Variants in DGKI observed in about 807,000 individuals in gnomAD.
DGKI encodes diacylglycerol kinase iota, also known as DAG kinase iota.
DGKI carries 55 observed loss-of-function variants against 147.5 expected under a neutral mutation model. The observed-to-expected ratio is 0.37, with a 90% CI of 0.30 to 0.47. DGKI has a LOEUF of 0.47. DGKI is among the 20% of genes least tolerant of loss of function. DGKI has a pLI of 1.00. For missense variants in DGKI, 1,007 were observed against 1,323.8 expected, an observed-to-expected ratio of 0.76 and a Z score of 3.71; for synonymous variants, 469 against 477.1, an observed-to-expected ratio of 0.98 and a Z score of 0.22.
At chr7:137,527,914 T>C (rs1400947855) in intron 20 of DGKI, among the ~76,000 whole-genome samples, 1 of 152,224 alleles carries the variant, frequency 6.6e-6, no homozygotes, top group East Asian at 1.9e-4. Context: ...AATAGAGTTT[T>C]ATTAAAATAT....
At chr7:137,608,427 G>A (rs1585281008) in intron 10 of DGKI, among the ~76,000 whole-genome samples, 1 of 152,156 alleles carries the variant, frequency 6.6e-6, no homozygotes, top group East Asian at 1.9e-4. Context: ...ATTCTCAAAT[G>A]AGATAAGTAT....
At chr7:137,811,624 T>C (rs1052773262) in intron 1 of DGKI, among the ~76,000 whole-genome samples, 6 of 152,206 alleles carry the variant, frequency 3.9e-5, no homozygotes, top group African/African-American at 1.2e-4. Context: ...CAGCATCCCC[T>C]GATTGATCAG....
chr7:137,434,915 C>T (rs1813224906), intron 28 of DGKI, among the ~76,000 whole-genome samples: 1 of 152,056 alleles, frequency 6.6e-6, no homozygotes, highest in Non-Finnish European at 1.5e-5. Context: ...AAAAAATATG[C>T]TATCATTTTT....
Position 137,524,025 on chromosome 7 carries a change from G to A in DGKI, c.2148-2059C>T, listed in dbSNP as rs1041731926. Reference sequence around the variant, plus strand: ...ATACCAAGAATCCCATGGATTTGACGGCAAAACTATAAAGTCTGGATTGGC... The same window carrying A: ...ATACCAAGAATCCCATGGATTTGACAGCAAAACTATAAAGTCTGGATTGGC... On this transcript the variant is annotated intron_variant, in intron 20 of 32. Transcript: ENST00000614521. Among the ~76,000 whole-genome samples, 62 of 151,326 alleles carry A rather than the reference G, an allele frequency of 4.1e-4. 3 individuals carry two copies. Among genetic ancestry groups the A allele is most frequent in the African/African-American group, 1.4e-3 (57 of 40,692 alleles).
At chr7:137,594,049 T>C (rs760547341) in intron 12 of DGKI, among the ~76,000 whole-genome samples, 2 of 152,186 alleles carry the variant, frequency 1.3e-5, no homozygotes, top group Non-Finnish European at 2.9e-5. Context: ...TGCTTTCTCA[T>C]ATTTTTTTCT....
At chr7:137,538,645 T>C (rs1023369280) in intron 20 of DGKI, among the ~76,000 whole-genome samples, 12 of 152,188 alleles carry the variant, frequency 7.9e-5, no homozygotes, top group African/African-American at 2.7e-4. Context: ...GCTGAGTCAC[T>C]GCAGTGGGCA....
chr7:137,536,592 A>G (rs1409769651), intron 20 of DGKI, among the ~76,000 whole-genome samples: 1 of 152,212 alleles, frequency 6.6e-6, no homozygotes, highest in Non-Finnish European at 1.5e-5. Context: ...GAATTCTACC[A>G]TAACAGAACT....
chr7:137,532,857 C>T (rs567610163), intron 20 of DGKI, among the ~76,000 whole-genome samples: 1 of 152,186 alleles, frequency 6.6e-6, no homozygotes, highest in African/African-American at 2.4e-5. Flanking sequence ...GTAAAAATGA[C>T]AGAATAAAGA....
intron 5 of DGKI, among the ~76,000 whole-genome samples, chr7:137,653,593 C>T (rs1822113958): frequency 6.6e-6 from 1 of 152,192 alleles, no homozygotes; most frequent in Non-Finnish European, 1.5e-5. Flanking sequence ...AACCACCCTC[C>T]TCTCACTTAA....
At chr7:137,581,762 CGTAA>C (rs1819202737) in intron 15 of DGKI, 84 bp downstream of exon 15, 1 of 1,120,896 alleles carries the variant, frequency 8.9e-7, no homozygotes, top group African/African-American at 1.5e-5. Context: ...ACTGTAAACG[CGTAA>C]GTGATATACA....
rs190218591 is a variant in DGKI, at chr7:137,609,346, C to T, written c.1068+189G>A. Among the ~76,000 whole-genome samples the T allele has an allele frequency of 1.6e-3, 250 of 152,140 alleles. 1 individual carries two copies. Among genetic ancestry groups the T allele is most frequent in the African/African-American group, 5.6e-3 (234 of 41,504 alleles). On this transcript the variant is annotated intron_variant, in intron 9 of 32. Transcript: ENST00000614521. ...TGGGGATAACATTTCCAGGCAAGCG[C>T]AGAGGTTAGTTTTGAGTGTTTGTTT...
chr7:137,398,513 C>A (rs1360782052), intron 30 of DGKI, among the ~76,000 whole-genome samples: 1 of 152,072 alleles, frequency 6.6e-6, no homozygotes, highest in Non-Finnish European at 1.5e-5. Flanking sequence ...GTATTTTTGT[C>A]TTTAGAAAGA....
intron 14 of DGKI, among the ~76,000 whole-genome samples, chr7:137,583,896 A>G (rs776058121): frequency 6.6e-6 from 1 of 152,178 alleles, no homozygotes; most frequent in Non-Finnish European, 1.5e-5. Flanking sequence ...AGCAATCATG[A>G]TATCTACTAG....
chr7:137,463,709 A>G (rs1814542751), intron 26 of DGKI, 98 bp from the exon 27 acceptor site: 2 of 1,418,032 alleles, frequency 1.4e-6, no homozygotes, highest in Admixed American at 2.1e-5. Flanking sequence ...TAAATGTGAG[A>G]AGCAAAATTC....
chr7:137,628,718 G>A (rs2094622986), intron 6 of DGKI, among the ~76,000 whole-genome samples: 1 of 152,148 alleles, frequency 6.6e-6, no homozygotes, highest in Admixed American at 6.5e-5. Context: ...CAAGAACATT[G>A]AGGAATAAGG....
intron 29 of DGKI, among the ~76,000 whole-genome samples, chr7:137,409,705 C>A (rs1196615524): frequency 6.6e-6 from 1 of 152,204 alleles, no homozygotes; most frequent in Non-Finnish European, 1.5e-5. Flanking sequence ...CAGCATGGGA[C>A]CTGTTCAGGG....
At chr7:137,729,386 A>G (rs1478976867) in intron 1 of DGKI, among the ~76,000 whole-genome samples, 1 of 152,150 alleles carries the variant, frequency 6.6e-6, no homozygotes, top group African/African-American at 2.4e-5. Flanking sequence ...GTCTTGTCCC[A>G]CACTTCAGGT....
chr7:137,716,502 C>A (rs1313124331), intron 1 of DGKI, among the ~76,000 whole-genome samples: 3 of 152,126 alleles, frequency 2.0e-5, no homozygotes, highest in Non-Finnish European at 2.9e-5. Flanking sequence ...AAACATAAAG[C>A]CAGAGATGCC....
chr7:137,500,375 TCACA>T (rs2128942103), intron 21 of DGKI, among the ~76,000 whole-genome samples: 1 of 152,260 alleles, frequency 6.6e-6, no homozygotes, highest in East Asian at 1.9e-4. Context: ...TGCCCACAGG[TCACA>T]CTAATTAATT....
Sources: allele counts gnomAD v4.1 joint callset (sites outside exome capture counted in the v4.1 genomes callset), GRCh38; gene constraint gnomAD v4.1.1; transcripts MANE v1.5; gene names NCBI Gene and HGNC (gene_info 2026-07-23, HGNC 2026-07-21).